Variants in DLG2 observed in about 807,000 individuals in gnomAD.
DLG2 encodes the protein disks large homolog 2.
A neutral mutation model predicts 132.5 loss-of-function variants in DLG2; 45 were observed. The observed-to-expected ratio is 0.34, with a 90% CI of 0.27 to 0.44. The LOEUF (loss-of-function observed/expected upper bound fraction) is 0.44. Among genes scored for constraint, DLG2 ranks in the 20% least tolerant of loss-of-function variants. The pLI is 1.00. For missense variants in DLG2, 1,045 were observed against 1,196.9 expected, an observed-to-expected ratio of 0.87 and a Z score of 1.87; for synonymous variants, 424 against 419.6, an observed-to-expected ratio of 1.01 and a Z score of -0.13.
chr11:83,830,433 T>C (rs1274871566), intron 17 of DLG2, among the ~76,000 whole-genome samples: 1 of 152,218 alleles, frequency 6.6e-6, no homozygotes, highest in Non-Finnish European at 1.5e-5. Flanking sequence ...GCTTGGTGGA[T>C]TTTTTATTTA....
chr11:84,285,432 AT>A (rs1211716771), intron 7 of DLG2, among the ~76,000 whole-genome samples: 2 of 152,124 alleles, frequency 1.3e-5, no homozygotes, highest in African/African-American at 4.8e-5. Context: ...ATTATTTAGG[AT>A]ATAATACATC....
At chr11:84,703,243 CAAGA>C (rs2059392548) in intron 6 of DLG2, among the ~76,000 whole-genome samples, 1 of 151,650 alleles carries the variant, frequency 6.6e-6, no homozygotes, top group South Asian at 2.1e-4. Flanking sequence ...GCTGTCTTTA[CAAGA>C]AAGACTGTTA....
intron 3 of DLG2, among the ~76,000 whole-genome samples, chr11:85,554,990 C>A (rs972768742): frequency 2.0e-5 from 3 of 151,662 alleles, no homozygotes; most frequent in Non-Finnish European, 2.9e-5. Flanking sequence ...CCCTAGCCCC[C>A]CTGCCCACCA....
chr11:84,714,492 C>T (rs1397804230), intron 6 of DLG2, among the ~76,000 whole-genome samples: 2 of 152,052 alleles, frequency 1.3e-5, no homozygotes, highest in Non-Finnish European at 2.9e-5. Context: ...AGTGTTAGAG[C>T]ACCCTCTGGA....
At chr11:85,158,107 G>A (rs2077725977) in intron 4 of DLG2, among the ~76,000 whole-genome samples, 1 of 152,084 alleles carries the variant, frequency 6.6e-6, no homozygotes, top group Non-Finnish European at 1.5e-5. Flanking sequence ...GAAGTTCAGA[G>A]TGTGACCTAT....
At chr11:85,577,153 T>C (rs1209817199) in intron 3 of DLG2, among the ~76,000 whole-genome samples, 1 of 152,150 alleles carries the variant, frequency 6.6e-6, no homozygotes, top group Admixed American at 6.6e-5. Flanking sequence ...ATTTTTAAAA[T>C]ACTGAGATAA....
intron 3 of DLG2, among the ~76,000 whole-genome samples, chr11:85,588,557 C>T (rs1166361525): frequency 6.6e-6 from 1 of 152,044 alleles, no homozygotes; most frequent in Non-Finnish European, 1.5e-5. Context: ...ATATCTATTT[C>T]TCTGTAGCAT....
chr11:83,972,911 T>C lies in DLG2; in HGVS notation c.1057-7443A>G, dbSNP rs532623250. Among the ~76,000 whole-genome samples, 183 of 152,210 alleles carry C rather than the reference T, an allele frequency of 1.2e-3. 5 individuals are homozygous for C. Among genetic ancestry groups the C allele is most frequent in the African/African-American group, 4.2e-3 (174 of 41,546 alleles). On this transcript the variant is annotated intron_variant, in intron 12 of 27. Transcript: ENST00000376104. ...AAGGTACACAGTCAAAGCTCCATCA[T>C]TGTGATTCTATTCTTCCTTCATTAA...
At chr11:84,705,227 T>C (rs965958552) in intron 6 of DLG2, among the ~76,000 whole-genome samples, 3 of 151,672 alleles carry the variant, frequency 2.0e-5, no homozygotes, top group African/African-American at 7.2e-5. Context: ...AAGACAATGG[T>C]GCTGAGAAGC....
intron 4 of DLG2, among the ~76,000 whole-genome samples, chr11:85,161,042 G>A (rs2077988492): frequency 1.3e-5 from 2 of 152,178 alleles, no homozygotes; most frequent in South Asian, 4.1e-4. Context: ...GATGGTCAGG[G>A]ACTTGGAAGA....
chr11:85,249,983 C>G (rs2076320248), intron 4 of DLG2, among the ~76,000 whole-genome samples: 1 of 152,076 alleles, frequency 6.6e-6, no homozygotes, highest in Non-Finnish European at 1.5e-5. Context: ...CTCTAAAAGA[C>G]CTCAAACTCT....
chr11:83,483,187 A>G (rs2093262765), intron 22 of DLG2: 2 of 1,442,364 alleles, frequency 1.4e-6, no homozygotes, highest in Admixed American at 3.4e-5. Context: ...GAAAAGGAAC[A>G]AAAGCCAAAC....
intron 8 of DLG2, among the ~76,000 whole-genome samples, chr11:84,209,092 G>C (rs7479401): frequency 0.99 from 150,874 of 152,374 alleles, 74,695 homozygotes; most frequent in East Asian, 1. Flanking sequence ...GGAAACACTA[G>C]TTTAACCACG....
chr11:84,766,039 G>A (rs907818671), intron 6 of DLG2, among the ~76,000 whole-genome samples: 2 of 151,888 alleles, frequency 1.3e-5, no homozygotes, highest in East Asian at 1.9e-4. Flanking sequence ...CCTTCAGTTC[G>A]CTTAAACAGA....
chr11:85,331,504 G>T (rs2081744174), intron 3 of DLG2, among the ~76,000 whole-genome samples: 1 of 152,028 alleles, frequency 6.6e-6, no homozygotes, highest in East Asian at 1.9e-4. Context: ...TGCATATGCA[G>T]GTCTGTTACA....
Position 83,556,855 on chromosome 11 carries a change from G to A in DLG2, c.1941-14997C>T, listed in dbSNP as rs115131075. ...AGTGGAAGGCAAGCTGGGATGATGC[G>A]GGGAAGATGACTAGACAAGGAACCA... is the stretch of plus-strand genomic sequence containing the variant. On this transcript the variant is annotated intron_variant, in intron 19 of 27. Transcript: ENST00000376104. Among the ~76,000 whole-genome samples, 506 of 152,300 alleles carry A rather than the reference G, an allele frequency of 3.3e-3. 5 individuals are homozygous for A. The highest frequency in any genetic ancestry group is 0.012 in the African/African-American group (489 of 41,576).
At chr11:83,719,626 G>A (rs1173842108) in intron 18 of DLG2, among the ~76,000 whole-genome samples, 1 of 152,138 alleles carries the variant, frequency 6.6e-6, no homozygotes, top group Non-Finnish European at 1.5e-5. Context: ...CAGCTCTGAA[G>A]GAATTTACTC....
rs139447945 is a variant in DLG2, at chr11:83,791,925, T to C, written c.1723-5133A>G. 9.4e-3 allele frequency among the ~76,000 whole-genome samples: 1,431 copies of C among 152,330 alleles called. 11 individuals are homozygous for C. The highest frequency in any genetic ancestry group is 0.014 in the Non-Finnish European group (961 of 68,028). ...ATGCACATGCAAGCACATGACTTTATTTCTCTTGCTCTCCTTACATACATA... is the reference window on the plus strand; with the variant it reads ...ATGCACATGCAAGCACATGACTTTACTTCTCTTGCTCTCCTTACATACATA... On this transcript the variant is annotated intron_variant, in intron 17 of 27. Transcript: ENST00000376104.
intron 6 of DLG2, among the ~76,000 whole-genome samples, chr11:85,012,824 G>A (rs1456459504): frequency 1.3e-5 from 2 of 152,054 alleles, no homozygotes; most frequent in African/African-American, 4.8e-5. Context: ...GGATTTTGGA[G>A]TATAAAAAAC....
Sources: allele counts gnomAD v4.1 joint callset (sites outside exome capture counted in the v4.1 genomes callset), GRCh38; gene constraint gnomAD v4.1.1; transcripts MANE v1.5; gene names NCBI Gene and HGNC (gene_info 2026-07-23, HGNC 2026-07-21).